Variants in KLHL13 observed in about 807,000 individuals in gnomAD.
The protein encoded by KLHL13 is kelch like family member 13.
Under a neutral mutation model 37.1 loss-of-function variants are expected in KLHL13, and 10 were observed. The observed-to-expected ratio is 0.27, with a 90% CI of 0.17 to 0.46. The LOEUF is 0.46. Ranked by LOEUF, KLHL13 falls within the 20% of genes least tolerant of loss-of-function variation. KLHL13 has a pLI of 1.00. For synonymous variants in KLHL13, 163 were observed against 181.2 expected, an observed-to-expected ratio of 0.90 and a Z score of 0.81; for missense variants, 360 against 509.3, an observed-to-expected ratio of 0.71 and a Z score of 2.82.
rs910204185 is a variant in KLHL13, at chrX:118,008,322, T to C, written c.-55-62747A>G. Among the ~76,000 whole-genome samples the C allele has an allele frequency of 1.3e-4, 15 of 112,150 alleles. No individual in the cohort carries two copies. In the Admixed American group the frequency reaches 1.4e-3, roughly 11 times the overall value. ...TATCAACTTCCAGGCTTCCAACTCA[T>C]TAATAGTACTTAACCTATCAGCGTA... On this transcript the variant is annotated intron_variant, in intron 1 of 6. Transcript: ENST00000371882.
At chrX:118,036,578 A>T (rs780497112) in intron 1 of KLHL13, among the ~76,000 whole-genome samples, 1 of 112,146 alleles carries the variant, frequency 8.9e-6, no homozygotes, top group South Asian at 3.7e-4. Context: ...CTTATACCTT[A>T]TACAAAAATC....
intron 1 of KLHL13, among the ~76,000 whole-genome samples, chrX:118,061,890 T>C (rs2054746489): frequency 8.9e-6 from 1 of 111,879 alleles, no homozygotes; most frequent in South Asian, 3.7e-4. Flanking sequence ...TTAAAAAAAA[T>C]GTTCTGTAAC....
chrX:118,027,755 T>C (rs924623509), intron 1 of KLHL13, among the ~76,000 whole-genome samples: 2 of 110,428 alleles, frequency 1.8e-5, no homozygotes, highest in African/African-American at 6.6e-5. Context: ...CACCATTTCA[T>C]AGGTGAGGAA....
At chrX:118,106,850 A>C (rs61083935) in intron 1 of KLHL13, among the ~76,000 whole-genome samples, 1,365 of 112,334 alleles carry the variant, frequency 0.012, 31 homozygotes, top group African/African-American at 0.041. Context: ...TTCATTTATC[A>C]AAGGTACTAT....
intron 4 of KLHL13, among the ~76,000 whole-genome samples, chrX:117,915,788 C>A (rs1931308605): frequency 8.9e-6 from 1 of 111,969 alleles, no homozygotes; most frequent in Non-Finnish European, 1.9e-5. Context: ...ACAAAAGTTC[C>A]GTGGGGCAAA....
At chrX:117,945,413 C>T (rs1257752609) in intron 2 of KLHL13, 21 bp downstream of exon 3, 1 of 1,201,107 alleles carries the variant, frequency 8.3e-7, no homozygotes, top group Admixed American at 2.2e-5. Flanking sequence ...TAAACACTAC[C>T]AAAGAGACAG....
intron 1 of KLHL13, among the ~76,000 whole-genome samples, chrX:117,951,501 C>CTT (rs1396934441): frequency 9.0e-6 from 1 of 110,582 alleles, no homozygotes; most frequent in African/African-American, 3.3e-5. Context: ...AAAGATAAAG[C>CTT]TTTTGTTAGT....
intron 1 of KLHL13, among the ~76,000 whole-genome samples, chrX:118,115,339 C>T (rs2055456280): frequency 1.8e-5 from 2 of 112,600 alleles, no homozygotes; most frequent in Admixed American, 9.4e-5. Context: ...AGCAAATGAA[C>T]CTCAGTATGG....
At chrX:117,932,758 G>T (rs1932522411) in intron 2 of KLHL13, among the ~76,000 whole-genome samples, 1 of 111,834 alleles carries the variant, frequency 8.9e-6, no homozygotes. Flanking sequence ...TCATATGGTA[G>T]TTCCATTATT....
At chrX:118,024,267 T>C (rs536937097) in intron 1 of KLHL13, among the ~76,000 whole-genome samples, 1 of 112,251 alleles carries the variant, frequency 8.9e-6, no homozygotes. Context: ...CTTCTCTGGT[T>C]TGCGGTCAAG....
chrX:118,095,749 G>A (rs934146891), intron 1 of KLHL13, among the ~76,000 whole-genome samples: 15 of 111,958 alleles, frequency 1.3e-4, no homozygotes, highest in African/African-American at 4.9e-4. Context: ...ATTCAAAACC[G>A]CTCAACTACA....
chrX:117,947,698 G>GT (rs1271536402), intron 1 of KLHL13: 1 of 111,924 alleles, frequency 8.9e-6, no homozygotes, highest in African/African-American at 3.2e-5. Flanking sequence ...TGTTTTATCA[G>GT]TATCTTTTGA....
In KLHL13 at chrX:117,913,381, T is replaced by C. The variant is rs773715490; in HGVS notation, c.571-3285A>G. 4.4e-5 allele frequency among the ~76,000 whole-genome samples: 5 copies of C among 112,481 alleles called. No homozygotes were observed. The South Asian group carries it at 1.8e-3, about 41-fold the overall frequency. On this transcript the variant is annotated intron_variant, in intron 4 of 6. Transcript: ENST00000262820. ...ATTTACATATATAATAGAATACACA[T>C]TGAAAATATAAAATATGAAGTTTAA...
At chrX:118,000,198 T>C (rs1054509961) in intron 1 of KLHL13, among the ~76,000 whole-genome samples, 1 of 111,351 alleles carries the variant, frequency 9.0e-6, no homozygotes, top group Non-Finnish European at 1.9e-5. Context: ...ACTAATCTAT[T>C]TGGCCAAACA....
chrX:118,111,873 T>C (rs185761393), intron 1 of KLHL13, among the ~76,000 whole-genome samples: 11 of 111,014 alleles, frequency 9.9e-5, no homozygotes, highest in Admixed American at 4.8e-4. Flanking sequence ...GCCTGAACGA[T>C]AGAGTGAGAG....
chrX:118,051,116 T>C (rs758776614), intron 1 of KLHL13, among the ~76,000 whole-genome samples: 1 of 110,717 alleles, frequency 9.0e-6, no homozygotes, highest in Non-Finnish European at 1.9e-5. Flanking sequence ...AAACAAGGAT[T>C]TCTTATATTC....
chrX:117,906,505 A>G (rs980448218), intron 5 of KLHL13, among the ~76,000 whole-genome samples: 4 of 111,189 alleles, frequency 3.6e-5, no homozygotes, highest in East Asian at 2.8e-4. Context: ...CTATTTGAGT[A>G]TAACATAGAA....
intron 1 of KLHL13, among the ~76,000 whole-genome samples, chrX:118,000,340 T>G (rs2053905801): frequency 8.9e-6 from 1 of 112,225 alleles, no homozygotes; most frequent in African/African-American, 3.2e-5. Flanking sequence ...TGCTACAAGA[T>G]AAACTTAATT....
chrX:117,972,945 G>T, exon 1 of KLHL13: 1 of 1,097,286 alleles, frequency 9.1e-7, no homozygotes, highest in South Asian at 2.5e-5. Context: ...AACAAGCAAA[G>T]GATTCTGCCA....
Sources: gnomAD v4.1 joint callset for allele counts (sites outside exome capture counted in the v4.1 genomes callset) on GRCh38, gnomAD v4.1.1 for gene constraint, MANE v1.5 for transcripts, NCBI Gene and HGNC (gene_info 2026-07-23, HGNC 2026-07-21) for gene names.